CCDC88A: variants seen among roughly 807,000 people sequenced by gnomAD.
CCDC88A encodes girdin.
CCDC88A carries 54 observed loss-of-function variants against 234.3 expected under a neutral mutation model. The observed-to-expected ratio is 0.23, with a 90% CI of 0.19 to 0.29. The LOEUF (loss-of-function observed/expected upper bound fraction) is 0.29, where lower values mean the gene tolerates loss of function less well. Among genes scored for constraint, CCDC88A ranks in the 10% least tolerant of loss-of-function variants. The probability of loss-of-function intolerance (pLI) is 1.00; values close to 1 mark genes in which losing one functional copy is unlikely to be tolerated. For missense variants in CCDC88A, 1,832 were observed against 2,123.4 expected (o/e 0.86, Z 2.70); for synonymous variants, 753 against 737.8 (o/e 1.02, Z -0.33).
Position 55,372,491 on chromosome 2 carries a change from A to G in CCDC88A, c.363T>C (p.Val121=). The G allele has an allele frequency of 6.6e-7, 1 of 1,520,032 alleles. No homozygotes were observed. The highest frequency in any genetic ancestry group is 9.1e-7 in the Non-Finnish European group (1 of 1,099,644). 94.2% of individuals were successfully genotyped at this position (1,520,032 alleles called of 1,614,324 possible). A position where few individuals can be genotyped will look rare whatever the true frequency, so the allele number is the denominator to read the frequency against. The change falls in exon 5 of 33, where the codon GTT becomes GTC. Residue 121 remains valine (V), a synonymous_variant. Transcript: ENST00000436346. ...CCAATAAAAGTAAAAGCAGTTTTTTAACTTCTTCTGTGCCTTGTTCTAAAA... is the reference window on the plus strand; with the variant it reads ...CCAATAAAAGTAAAAGCAGTTTTTTGACTTCTTCTGTGCCTTGTTCTAAAA... ...NPFSEQGTEE[V]KKLLLLLLGC...
chr2:55,400,720 G>C (rs1166969194), intron 2 of CCDC88A, among the ~76,000 whole-genome samples: 2 of 152,144 alleles, frequency 1.3e-5, no homozygotes, highest in Non-Finnish European at 1.5e-5. Context: ...AAATCTGATA[G>C]CTTTAATGGC....
chr2:55,302,222 T>C (rs986528971), intron 26 of CCDC88A, 150 bp from the exon 27 acceptor site: 40 of 639,538 alleles, frequency 6.3e-5, no homozygotes, highest in Admixed American at 2.6e-4. Flanking sequence ...AATTATGACA[T>C]GCATTCAGCT....
In CCDC88A at chr2:55,335,688, G is replaced by C. The variant is rs1238269405; in HGVS notation, c.1657-524C>G. On this transcript the variant is annotated intron_variant, in intron 14 of 32. Transcript: ENST00000436346. The surrounding 1 kb of genome is among the most constrained non-coding windows in gnomAD (Gnocchi z 4.5). ...AGCATCAAAATCACAAAAATCACTGGGTACATTTGGGAACTAATTCATCCA... is the reference window on the plus strand; with the variant it reads ...AGCATCAAAATCACAAAAATCACTGCGTACATTTGGGAACTAATTCATCCA... Among the ~76,000 whole-genome samples, 2 of 151,990 alleles carry C rather than the reference G, an allele frequency of 1.3e-5. No homozygotes were observed. Among genetic ancestry groups the C allele is most frequent in the African/African-American group, 4.8e-5 (2 of 41,342 alleles).
chr2:55,291,551 A>C (rs115015859), intron 32 of CCDC88A, 125 bp downstream of exon 32: 5,424 of 442,970 alleles, frequency 0.012, 56 homozygotes, highest in African/African-American at 0.029. Flanking sequence ...AGTAGAACAG[A>C]AAGTCAATGA....
At chr2:55,382,260 G>A (rs1226260109) in intron 3 of CCDC88A, among the ~76,000 whole-genome samples, 1 of 152,112 alleles carries the variant, frequency 6.6e-6, no homozygotes, top group Non-Finnish European at 1.5e-5. Flanking sequence ...AACCTAAAAA[G>A]TGTCTATTTT....
At chr2:55,367,574 A>G (rs1461336418) in intron 5 of CCDC88A, among the ~76,000 whole-genome samples, 1 of 112,808 alleles carries the variant, frequency 8.9e-6, no homozygotes, top group Non-Finnish European at 1.8e-5. Context: ...AGGCTGGAAC[A>G]CAGTGGTTAT....
At chr2:55,303,455 C>T (rs1035428506) in intron 25 of CCDC88A, among the ~76,000 whole-genome samples, 2 of 149,666 alleles carry the variant, frequency 1.3e-5, no homozygotes, top group Non-Finnish European at 2.9e-5. Context: ...TGCAATGGCA[C>T]GATCTCGGCT....
rs1679249653 is a variant in CCDC88A at position 55,288,931 on chromosome 2, T to C, written c.*2269A>G. 6.6e-6 allele frequency: 1 copy of C among 152,194 alleles called. No homozygotes were observed. The highest frequency in any genetic ancestry group is 2.4e-5 in the African/African-American group (1 of 41,448). The allele number at this position is 152,194 out of a possible 1,614,324, so 9.4% of individuals were successfully genotyped here. On this transcript the variant is annotated 3_prime_UTR_variant, in exon 33 of 33. Transcript: ENST00000436346. ...AGGTATACTGGAGAAAGTAAAATATTCATGTGGTTACTACTGTCTAGTCGT... is the reference window on the plus strand; with the variant it reads ...AGGTATACTGGAGAAAGTAAAATATCCATGTGGTTACTACTGTCTAGTCGT...
At chr2:55,367,525 C>CTTTTTTTTTTTTTTTTTTT (rs1262914627) in intron 5 of CCDC88A, among the ~76,000 whole-genome samples, 26 of 33,550 alleles carry the variant, frequency 7.7e-4, no homozygotes, top group African/African-American at 6.2e-3. Context: ...GTTTTATTTC[C>CTTTTTTTTTTTTTTTTTTT]TTGTTTTTTT....
chr2:55,370,364 G>A (rs1347224883), intron 5 of CCDC88A, among the ~76,000 whole-genome samples: 1 of 151,998 alleles, frequency 6.6e-6, no homozygotes. Flanking sequence ...AAATTAGGCC[G>A]GGCATGATGA....
chr2:55,319,186 A>T (rs2104631035), intron 18 of CCDC88A, among the ~76,000 whole-genome samples, 182 bp from the exon 19 acceptor site: 1 of 152,268 alleles, frequency 6.6e-6, no homozygotes, highest in Admixed American at 6.5e-5. Flanking sequence ...GTAAACAGAC[A>T]TTTATCAGAA....
At chr2:55,412,015 T>TA (rs1387645470) in intron 2 of CCDC88A, among the ~76,000 whole-genome samples, 1 of 151,864 alleles carries the variant, frequency 6.6e-6, no homozygotes, top group Non-Finnish European at 1.5e-5. Context: ...GAAGACAAAC[T>TA]AAAAAATAAA....
At chr2:55,300,322 A>G (rs1401036741) in intron 28 of CCDC88A, 1 of 187,216 alleles carries the variant, frequency 5.3e-6, no homozygotes, top group Non-Finnish European at 1.1e-5. Flanking sequence ...GCATCTATAC[A>G]GTTAATGTCC....
intron 7 of CCDC88A, 49 bp from the exon 8 acceptor site, chr2:55,355,800 T>A: frequency 6.9e-7 from 1 of 1,448,646 alleles, no homozygotes; most frequent in Non-Finnish European, 9.6e-7. Flanking sequence ...ATTAGCAAAC[T>A]AAACACATCA....
At chr2:55,412,130 G>C (rs1680601426) in intron 2 of CCDC88A, among the ~76,000 whole-genome samples, 1 of 152,028 alleles carries the variant, frequency 6.6e-6, no homozygotes, top group Non-Finnish European at 1.5e-5. Flanking sequence ...TACAACTTAC[G>C]ACATGCCAAC....
At chr2:55,316,169 A>T (rs1177768894) in intron 21 of CCDC88A, 55 bp from the exon 22 acceptor site, 2 of 681,828 alleles carry the variant, frequency 2.9e-6, no homozygotes, top group Non-Finnish European at 4.5e-6. Context: ...CTTTTGGTGT[A>T]ATTTATACAA....
At chr2:55,412,489 A>G (rs1680667721) in intron 2 of CCDC88A, among the ~76,000 whole-genome samples, 1 of 152,120 alleles carries the variant, frequency 6.6e-6, no homozygotes, top group Non-Finnish European at 1.5e-5. Flanking sequence ...CAGATCAACA[A>G]CAGCATTAGA....
At chr2:55,349,149 G>T (rs1669552630) in intron 9 of CCDC88A, 1 of 172,330 alleles carries the variant, frequency 5.8e-6, no homozygotes, top group Non-Finnish European at 1.2e-5. Flanking sequence ...TTACATATGA[G>T]TTAGCATAAA....
At chr2:55,310,705 T>C (rs1324747965) in intron 23 of CCDC88A, among the ~76,000 whole-genome samples, 1 of 152,196 alleles carries the variant, frequency 6.6e-6, no homozygotes, top group Non-Finnish European at 1.5e-5. Context: ...CTGTAGAAGA[T>C]GCCTTGTGAA....
Sources: allele counts gnomAD v4.1 joint callset (sites outside exome capture counted in the v4.1 genomes callset), GRCh38; gene constraint gnomAD v4.1.1; non-coding constraint Gnocchi (gnomAD v3.1); transcripts MANE v1.5; gene names NCBI Gene and HGNC (gene_info 2026-07-23, HGNC 2026-07-21).